Variants in GPHN observed in about 807,000 individuals in gnomAD.
The protein encoded by GPHN is gephyrin.
Under a neutral mutation model 95.5 loss-of-function variants are expected in GPHN, and 17 were observed. The ratio of observed to expected loss-of-function variants is 0.18; its 90% CI spans 0.12 to 0.27. The LOEUF (loss-of-function observed/expected upper bound fraction) is 0.27. Ranked by LOEUF, GPHN falls within the 10% of genes least tolerant of loss-of-function variation. The pLI is 1.00. For missense variants in GPHN, 660 were observed against 978.1 expected, an observed-to-expected ratio of 0.67 and a Z score of 4.34; for synonymous variants, 320 against 322.5, an observed-to-expected ratio of 0.99 and a Z score of 0.08.
the GPHN span, among the ~76,000 whole-genome samples, chr14:67,462,359 A>C: frequency 6.6e-6 from 1 of 152,110 alleles, no homozygotes. Flanking sequence ...TTTGCTTTTA[A>C]ATTTTTAGAG....
At chr14:67,008,827 G>A (rs2072786909) in intron 9 of GPHN, among the ~76,000 whole-genome samples, 1 of 152,094 alleles carries the variant, frequency 6.6e-6, no homozygotes, top group African/African-American at 2.4e-5. Flanking sequence ...GATTACAGGT[G>A]TTAGCTACTG....
chr14:67,509,272 CTG>C, the GPHN span, among the ~76,000 whole-genome samples: 1 of 152,156 alleles, frequency 6.6e-6, no homozygotes, highest in African/African-American at 2.4e-5. Flanking sequence ...AAACAAGAAT[CTG>C]TACTTCTGTC....
chr14:67,508,292 G>T, the GPHN span, among the ~76,000 whole-genome samples: 1 of 152,068 alleles, frequency 6.6e-6, no homozygotes, highest in Non-Finnish European at 1.5e-5. Context: ...TTCCAGACCA[G>T]CTGAGTTATT....
At chr14:67,444,297 T>C in the GPHN span, among the ~76,000 whole-genome samples, 1 of 152,224 alleles carries the variant, frequency 6.6e-6, no homozygotes, top group Non-Finnish European at 1.5e-5. Context: ...AAATAAACTT[T>C]CTAAATTAAC....
the GPHN span, among the ~76,000 whole-genome samples, chr14:67,283,563 T>C: frequency 1.3e-5 from 2 of 152,226 alleles, no homozygotes; most frequent in African/African-American, 2.4e-5. Context: ...GTTACAGATA[T>C]TTCCAAATAA....
intron 9 of GPHN, chr14:66,985,616 A>T: frequency 9.9e-7 from 1 of 1,010,110 alleles, no homozygotes; most frequent in Non-Finnish European, 1.5e-6. Flanking sequence ...TTACTAATGT[A>T]TAGAAAAATT....
chr14:67,240,061 G>A, the GPHN span, among the ~76,000 whole-genome samples: 1 of 152,126 alleles, frequency 6.6e-6, no homozygotes, highest in Non-Finnish European at 1.5e-5. Flanking sequence ...ACCTGTATTC[G>A]AAGCCTACTG....
At chr14:66,778,302 C>G (rs2059462319) in intron 3 of GPHN, among the ~76,000 whole-genome samples, 2 of 152,308 alleles carry the variant, frequency 1.3e-5, no homozygotes, top group East Asian at 3.9e-4. Context: ...GAACTACAAA[C>G]CACTGCTCAG....
At chr14:67,351,812 C>A in the GPHN span, among the ~76,000 whole-genome samples, 1 of 150,476 alleles carries the variant, frequency 6.6e-6, no homozygotes, top group Admixed American at 6.7e-5. Context: ...TGAGTCACCA[C>A]ACCTAGTATT....
intron 9 of GPHN, among the ~76,000 whole-genome samples, chr14:66,999,070 G>A (rs753692323): frequency 7.9e-5 from 12 of 151,936 alleles, no homozygotes; most frequent in Non-Finnish European, 1.8e-4. Flanking sequence ...CTATCTTGCC[G>A]ATCATAAAGC....
At chr14:67,586,350 C>T in the GPHN span, 1 of 1,434,908 alleles carries the variant, frequency 7.0e-7, no homozygotes, top group Admixed American at 2.1e-5. Flanking sequence ...TTCACTTTTT[C>T]TTTTTTATTC....
At chr14:67,510,835 G>A in the GPHN span, among the ~76,000 whole-genome samples, 2 of 152,118 alleles carry the variant, frequency 1.3e-5, no homozygotes, top group Admixed American at 6.5e-5. Flanking sequence ...AGTCCCTGTC[G>A]GTGCTCTGAA....
At chr14:67,070,440 G>C (rs912838396) in intron 11 of GPHN, among the ~76,000 whole-genome samples, 2 of 149,652 alleles carry the variant, frequency 1.3e-5, no homozygotes, top group Admixed American at 1.3e-4. Flanking sequence ...GCTCACGCCT[G>C]TAATCCCAGC....
chr14:66,683,382 T>A (rs1191266839), intron 2 of GPHN, among the ~76,000 whole-genome samples: 2 of 104,734 alleles, frequency 1.9e-5, no homozygotes, highest in South Asian at 2.9e-4. Context: ...ATATATATGT[T>A]CATATATATA....
the GPHN span, among the ~76,000 whole-genome samples, chr14:67,265,873 G>GA: frequency 2.0e-5 from 3 of 149,752 alleles, no homozygotes; most frequent in South Asian, 4.2e-4. Context: ...AAAAAAAAAG[G>GA]AAAAAAGAAA....
At chr14:66,577,539 A>G (rs1364491768) in intron 1 of GPHN, among the ~76,000 whole-genome samples, 2 of 152,144 alleles carry the variant, frequency 1.3e-5, no homozygotes, top group Non-Finnish European at 2.9e-5. Context: ...AACTGAAGAC[A>G]TTATTAAATT....
chr14:67,323,261 G>GTGTGTGTGTGTGTGTGTA, the GPHN span, among the ~76,000 whole-genome samples: 19 of 124,136 alleles, frequency 1.5e-4, no homozygotes, highest in African/African-American at 4.4e-4. Context: ...GTGTGTGTGT[G>GTGTGTGTGTGTGTGTGTA]TATATATATA....
intron 20 of GPHN, among the ~76,000 whole-genome samples, chr14:67,166,631 T>A (rs1046780141): frequency 1.4e-5 from 2 of 142,424 alleles, no homozygotes; most frequent in Non-Finnish European, 2.9e-5. Context: ...TTTGTTGTTA[T>A]TGGTTTTGTT....
the GPHN span, among the ~76,000 whole-genome samples, chr14:67,462,777 G>A: frequency 6.6e-6 from 1 of 152,232 alleles, no homozygotes; most frequent in South Asian, 2.1e-4. Flanking sequence ...TGGACAGTCT[G>A]TTTAGGTTTT....
Sources: allele counts gnomAD v4.1 joint callset (sites outside exome capture counted in the v4.1 genomes callset), GRCh38; gene constraint gnomAD v4.1.1; transcripts MANE v1.5; gene names NCBI Gene and HGNC (gene_info 2026-07-23, HGNC 2026-07-21).